The following RBFOX1 variants were observed in gnomAD, a reference collection of about 807,000 sequenced individuals.
The protein encoded by RBFOX1 is RNA binding fox-1 homolog 1.
Under a neutral mutation model 57.7 loss-of-function variants are expected in RBFOX1, and 8 were observed. The ratio of observed to expected loss-of-function variants is 0.14; its 90% CI spans 0.08 to 0.25. The LOEUF (loss-of-function observed/expected upper bound fraction) is 0.25, where lower values mean the gene tolerates loss of function less well. RBFOX1 is among the 10% of genes least tolerant of loss of function. RBFOX1 has a pLI of 1.00. For synonymous variants in RBFOX1, 326 were observed against 222.4 expected (o/e 1.47, Z -4.15); for missense variants, 611 against 548.5 (o/e 1.11, Z -1.14).
chr16:5,545,274 C>T (rs1597466797), intron 2 of RBFOX1, among the ~76,000 whole-genome samples: 1 of 146,730 alleles, frequency 6.8e-6, no homozygotes, highest in South Asian at 2.3e-4. Context: ...ACGCCCTGCC[C>T]TTAGTGTTAA....
intron 5 of RBFOX1, among the ~76,000 whole-genome samples, chr16:7,576,096 ATT>A (rs113802059): frequency 8.1e-6 from 1 of 123,422 alleles, no homozygotes; most frequent in Non-Finnish European, 1.9e-5. Context: ...ATGATCAGCT[ATT>A]TTTTTTTTTT....
rs1307392107 is a variant in RBFOX1, at chr16:6,637,190, ATATATAT to A, written c.-63-17398_-63-17392del. 1.0e-4 allele frequency among the ~76,000 whole-genome samples: 7 copies of A among 68,716 alleles called. No individual in the cohort carries two copies. In the East Asian group the frequency reaches 2.9e-3, roughly 29 times the overall value. 45.1% of individuals were successfully genotyped at this position (68,716 alleles called of 152,430 possible). On this transcript the variant is annotated intron_variant, in intron 2 of 15. Coordinates refer to ENST00000550418, the MANE Select transcript of RBFOX1 (RefSeq NM_018723.4). Reference sequence around the variant, plus strand: ...TATTATATATATTATATAATATACAATATATATTATATATTATATATATTATATAATA... The same window carrying A: ...TATTATATATATTATATAATATACAATATATATTATATATATTATATAATA...
At position 7,070,920 on chromosome 16, in the gene RBFOX1, A is replaced by G. The variant is rs993671961; in HGVS notation, c.27+18822A>G. On this transcript the variant is annotated intron_variant, in intron 4 of 15. Transcript: ENST00000550418. ...TGGGTAGGTGAAGGGTTCATGAGCT[A>G]GTAAGCAGGACTCAGCTTGGAATTT... Among the ~76,000 whole-genome samples the G allele has an allele frequency of 5.3e-5, 8 of 152,196 alleles. 1 individual carries two copies. The highest frequency in any genetic ancestry group is 3.9e-4 in the Admixed American group (6 of 15,284).
At position 6,961,431 on chromosome 16, in the gene RBFOX1, T is replaced by C. The variant is rs112875724; in HGVS notation, c.-15-90626T>C. On this transcript the variant is annotated intron_variant, in intron 3 of 15. Coordinates refer to ENST00000550418, the MANE Select transcript of RBFOX1 (RefSeq NM_018723.4). ...ACTTGGTGACTTAAAACAACAAAGA[T>C]TGTTGCTTTTGTTATCAGAAAGGGG... is the stretch of plus-strand genomic sequence containing the variant. Among the ~76,000 whole-genome samples, 145 of 152,254 alleles carry C rather than the reference T, an allele frequency of 9.5e-4. 3 individuals carry two copies. Among genetic ancestry groups the C allele is most frequent in the Middle Eastern group, 3.4e-3 (1 of 294 alleles).
intron 4 of RBFOX1, among the ~76,000 whole-genome samples, chr16:7,497,048 TTCCTG>T (rs2151718160): frequency 6.6e-6 from 1 of 152,266 alleles, no homozygotes; most frequent in Non-Finnish European, 1.5e-5. Flanking sequence ...TCCCCACCTT[TTCCTG>T]TCTCCAGCCT....
At position 7,234,936 on chromosome 16, in the gene RBFOX1, C is replaced by G. The variant is rs117600825; in HGVS notation, c.27+182838C>G. 8.2e-3 allele frequency among the ~76,000 whole-genome samples: 1,242 copies of G among 152,138 alleles called. 7 individuals are homozygous for G. Among genetic ancestry groups the G allele is most frequent in the Non-Finnish European group, 0.013 (870 of 68,012 alleles). On this transcript the variant is annotated intron_variant, in intron 4 of 15. Transcript: ENST00000550418. ...TCCATTTTCAGAGACTTACTGTAGA[C>G]TTGCTTTTATGCCTGTAGCTTGGAT...
intron 3 of RBFOX1, among the ~76,000 whole-genome samples, chr16:5,685,814 G>A (rs763223759): frequency 1.2e-4 from 19 of 152,184 alleles, no homozygotes; most frequent in Middle Eastern, 3.2e-3. Context: ...ATCTGAAGAT[G>A]TATGCTCCTA....
chr16:6,354,246 CAT>C (rs1288805085), intron 2 of RBFOX1, among the ~76,000 whole-genome samples: 2 of 151,996 alleles, frequency 1.3e-5, no homozygotes, highest in African/African-American at 2.4e-5. Context: ...CACACACACA[CAT>C]AGATATATAT....
intron 2 of RBFOX1, among the ~76,000 whole-genome samples, chr16:6,448,247 C>G (rs1261556115): frequency 7.0e-6 from 1 of 143,700 alleles, no homozygotes; most frequent in Non-Finnish European, 1.5e-5. Context: ...GCAATCTCCC[C>G]CTCCTGGGTT....
chr16:6,043,879 C>T (rs937031762), intron 1 of RBFOX1, among the ~76,000 whole-genome samples: 2 of 152,132 alleles, frequency 1.3e-5, no homozygotes, highest in Non-Finnish European at 2.9e-5. Flanking sequence ...GAGGACCGGC[C>T]TCTGCTTGCT....
Position 5,314,580 on chromosome 16 carries a change from G to A in RBFOX1, c.219+74475G>A, listed in dbSNP as rs894402811. On this transcript the variant is annotated intron_variant, in intron 1 of 2. Transcript: ENST00000585867. ...CAGTGGTGCAATCACAGCTCACTGC[G>A]GCCTTGATCTCCTGGGCTGAAGTGA... 9.9e-5 allele frequency among the ~76,000 whole-genome samples: 15 copies of A among 152,210 alleles called. No homozygotes were observed. The South Asian group carries it at 2.3e-3, about 23-fold the overall frequency.
rs1450877589 is a variant in RBFOX1, at chr16:6,767,938, T to TAAG, written c.-16+113290_-16+113291insGAA. Among the ~76,000 whole-genome samples the TAAG allele has an allele frequency of 9.7e-3, 818 of 84,658 alleles. 5 individuals are homozygous for TAAG. The highest frequency in any genetic ancestry group is 0.019 in the Admixed American group (152 of 8,100). 55.5% of individuals were successfully genotyped at this position (84,658 alleles called of 152,430 possible). On this transcript the variant is annotated intron_variant, in intron 3 of 15. Transcript: ENST00000550418. ...TCAATAATAATAATAATAATAATAATAATAATAATAAGAAGAAGAAGAAGA... is the reference window on the plus strand; with the variant it reads ...TCAATAATAATAATAATAATAATAATAAGAATAATAATAAGAAGAAGAAGAAGA...
At chr16:7,157,956 T>G (rs1488526825) in intron 4 of RBFOX1, among the ~76,000 whole-genome samples, 3 of 152,240 alleles carry the variant, frequency 2.0e-5, no homozygotes, top group African/African-American at 7.2e-5. Context: ...AATGTTGAGA[T>G]GATTTTAGAT....
At chr16:7,235,223 G>C (rs963814966) in intron 4 of RBFOX1, among the ~76,000 whole-genome samples, 1 of 152,192 alleles carries the variant, frequency 6.6e-6, no homozygotes, top group Non-Finnish European at 1.5e-5. Flanking sequence ...GGAGAGAATA[G>C]CTCTGGGATG....
intron 3 of RBFOX1, among the ~76,000 whole-genome samples, chr16:5,782,724 A>C (rs574251017): frequency 4.7e-4 from 72 of 152,362 alleles, no homozygotes; most frequent in Admixed American, 4.6e-3. Flanking sequence ...ACAGAGGCTG[A>C]GAAGTCCTAC....
chr16:6,312,767 C>G (rs1599517257), intron 1 of RBFOX1, among the ~76,000 whole-genome samples: 1 of 151,556 alleles, frequency 6.6e-6, no homozygotes, highest in East Asian at 1.9e-4. Context: ...TCCGTCCCTC[C>G]CTGTTTCCCT....
At chr16:5,952,011 A>AT (rs1302549302) in intron 4 of RBFOX1, among the ~76,000 whole-genome samples, 1 of 151,326 alleles carries the variant, frequency 6.6e-6, no homozygotes, top group African/African-American at 2.4e-5. Flanking sequence ...GTGTGTATAT[A>AT]TATATGCACA....
chr16:5,942,178 G>A lies in RBFOX1; in HGVS notation c.351+74843G>A, dbSNP rs144178648. On this transcript the variant is annotated intron_variant, in intron 4 of 19. Transcript: ENST00000641259. ...AGAAAGAAGTTTAATACATATAGAC[G>A]CAGCTAAATGGGAGACTGGAGTTTT... 2.6e-5 allele frequency among the ~76,000 whole-genome samples: 4 copies of A among 152,196 alleles called. No homozygotes were observed. The East Asian group carries it at 5.8e-4, about 22-fold the overall frequency.
Position 7,369,699 on chromosome 16 carries a change from A to G in RBFOX1, c.28-148448A>G, listed in dbSNP as rs2097533108. ...TGGGAGGATGGAGGGGCTATTTGCC[A>G]TGGTGTCTGATTAGCAATAGCATAC... On this transcript the variant is annotated intron_variant, in intron 4 of 15. Coordinates refer to ENST00000550418, the MANE Select transcript of RBFOX1 (RefSeq NM_018723.4). Among the ~76,000 whole-genome samples the G allele has an allele frequency of 3.3e-5, 5 of 152,280 alleles. No individual in the cohort carries two copies. In the South Asian group the frequency reaches 8.3e-4, roughly 25 times the overall value.
Sources: allele counts gnomAD v4.1 joint callset (sites outside exome capture counted in the v4.1 genomes callset), GRCh38; gene constraint gnomAD v4.1.1; transcripts MANE v1.5; gene names NCBI Gene and HGNC (gene_info 2026-07-23, HGNC 2026-07-21).